The following MYO16 variants were observed in gnomAD, a reference collection of about 807,000 sequenced individuals.
MYO16 encodes unconventional myosin-XVI.
A neutral mutation model predicts 205.3 loss-of-function variants in MYO16; 94 were observed. The ratio of observed to expected loss-of-function variants is 0.46; its 90% confidence interval spans 0.39 to 0.54. The LOEUF (loss-of-function observed/expected upper bound fraction) is 0.54. Among genes scored for constraint, MYO16 ranks in the 20% least tolerant of loss-of-function variants. MYO16 has a pLI of 0.00. For synonymous variants in MYO16, 988 were observed against 954.0 expected, an observed-to-expected ratio of 1.04 and a Z score of -0.66; for missense variants, 2,315 against 2,387.5, an observed-to-expected ratio of 0.97 and a Z score of 0.63.
At chr13:108,620,146 G>A (rs1035174705) in intron 1 of MYO16, among the ~76,000 whole-genome samples, 2 of 152,082 alleles carry the variant, frequency 1.3e-5, no homozygotes, top group African/African-American at 4.8e-5. Flanking sequence ...TAAATGAATC[G>A]ATGCCTATGA....
At chr13:108,831,083 T>C (rs1326674074) in intron 9 of MYO16, among the ~76,000 whole-genome samples, 2 of 152,158 alleles carry the variant, frequency 1.3e-5, no homozygotes. Context: ...GGCAGTTTTA[T>C]AGAGGCTTTA....
At chr13:108,596,040 G>C (rs1369122499), upstream of MYO16, 1 of 148,318 alleles carries the variant, frequency 6.7e-6, no homozygotes, top group Non-Finnish European at 1.5e-5. Context: ...GTGTTTTCTG[G>C]AATGACTTTT....
intron 12 of MYO16, among the ~76,000 whole-genome samples, chr13:108,874,735 T>A (rs867668722): frequency 2.0e-5 from 3 of 147,372 alleles, no homozygotes; most frequent in Non-Finnish European, 3.0e-5. Context: ...TTATTATTAT[T>A]ATATGTGATC....
At chr13:109,103,703 T>C (rs887212790) in intron 28 of MYO16, among the ~76,000 whole-genome samples, 4 of 152,230 alleles carry the variant, frequency 2.6e-5, no homozygotes, top group African/African-American at 9.6e-5. Flanking sequence ...GTAATTCTTA[T>C]ACTCTCCAAC....
chr13:108,679,883 C>T (rs1390282121), intron 2 of MYO16, among the ~76,000 whole-genome samples: 1 of 151,942 alleles, frequency 6.6e-6, no homozygotes. Flanking sequence ...ACACCCAGCC[C>T]ACCTCTCACA....
chr13:108,745,603 A>C (rs1885035105), intron 4 of MYO16, among the ~76,000 whole-genome samples: 2 of 152,090 alleles, frequency 1.3e-5, no homozygotes, highest in Admixed American at 1.3e-4. Flanking sequence ...AGACCTAATG[A>C]CCTCAGTTAC....
intron 1 of MYO16, among the ~76,000 whole-genome samples, chr13:108,643,005 A>G (rs983058657): frequency 2.6e-5 from 4 of 152,142 alleles, no homozygotes; most frequent in African/African-American, 9.7e-5. Flanking sequence ...AGTCAGGTTT[A>G]TGGAGGTATA....
chr13:108,630,869 T>C lies in MYO16; in HGVS notation c.28+997T>C, dbSNP rs370986209. Among the ~76,000 whole-genome samples the C allele has an allele frequency of 1.9e-3, 296 of 152,318 alleles. 8 individuals are homozygous for C. The South Asian group carries it at 0.06, about 31-fold the overall frequency. ...CCTTTCTCTTATTTTTGGTAGAGAATGTATACAGGAATTAAAACTATGATT... is the reference window on the plus strand; with the variant it reads ...CCTTTCTCTTATTTTTGGTAGAGAACGTATACAGGAATTAAAACTATGATT... On this transcript the variant is annotated intron_variant, in intron 1 of 34. Coordinates refer to ENST00000457511, the MANE Select transcript of MYO16 (RefSeq NM_001198950.3).
At position 109,140,323 on chromosome 13, in the gene MYO16, C is replaced by G; in HGVS notation, c.4111C>G (p.Arg1371Gly). ...CAGCACCATGAAGAAGATTCCTCCT[C>G]GAAAGCCCAAGCGCAGCCCCAACAC... Reference protein sequence around the residue: ...DYSTMKKIPPRKPKRSPNTKL... With the variant: ...DYSTMKKIPPGKPKRSPNTKL... Residue 1371 changes from arginine (R) to glycine (G), a missense_variant, in exon 32 of 35, where the codon CGA (arginine) becomes GGA (glycine). Coordinates refer to ENST00000457511, the MANE Select transcript of MYO16 (RefSeq NM_001198950.3). This position sits in a 1 kb window ranked among gnomAD's most constrained non-coding sequence, Gnocchi z 8.0. 1.2e-6 allele frequency: 2 copies of G among 1,602,910 alleles called. No individual in the cohort carries two copies. Among genetic ancestry groups the G allele is most frequent in the Non-Finnish European group, 1.7e-6 (2 of 1,179,374 alleles).
At chr13:108,927,874 G>A (rs542440484) in intron 16 of MYO16, among the ~76,000 whole-genome samples, 10 of 152,316 alleles carry the variant, frequency 6.6e-5, no homozygotes, top group South Asian at 4.1e-4. Context: ...CCGGGCCAAC[G>A]CGTGCACCTG....
At chr13:108,555,338 G>A in the MYO16 span, among the ~76,000 whole-genome samples, 2 of 152,090 alleles carry the variant, frequency 1.3e-5, no homozygotes, top group Non-Finnish European at 2.9e-5. Flanking sequence ...AATAAAAATT[G>A]AATGTGTTCA....
intron 23 of MYO16, among the ~76,000 whole-genome samples, chr13:109,028,968 A>T (rs1463885571): frequency 3.3e-5 from 5 of 151,952 alleles, no homozygotes; most frequent in African/African-American, 1.2e-4. Flanking sequence ...ACTAAGTTTG[A>T]AATGTTCCTA....
intron 4 of MYO16, among the ~76,000 whole-genome samples, chr13:108,753,207 A>G (rs183918524): frequency 5.3e-5 from 8 of 151,866 alleles, no homozygotes; most frequent in Non-Finnish European, 1.2e-4. Context: ...GTCTCTACTA[A>G]GAATACAAAA....
chr13:108,908,716 G>A (rs542445058), intron 15 of MYO16, among the ~76,000 whole-genome samples: 1 of 152,190 alleles, frequency 6.6e-6, no homozygotes, highest in South Asian at 2.1e-4. Context: ...GCTCACCCCT[G>A]TAATCCTGGC....
chr13:108,750,497 A>AG (rs1885197163), intron 4 of MYO16, among the ~76,000 whole-genome samples: 1 of 151,902 alleles, frequency 6.6e-6, no homozygotes, highest in East Asian at 1.9e-4. Context: ...GGCAGGGCAC[A>AG]GTGGCTCACA....
intron 23 of MYO16, among the ~76,000 whole-genome samples, chr13:109,020,327 C>A (rs1300576299): frequency 6.6e-6 from 1 of 152,160 alleles, no homozygotes; most frequent in Non-Finnish European, 1.5e-5. Flanking sequence ...AAGCCACTCT[C>A]TCATATCTTT....
chr13:108,691,290 A>C (rs1882885449), intron 2 of MYO16, among the ~76,000 whole-genome samples: 1 of 152,108 alleles, frequency 6.6e-6, no homozygotes, highest in Admixed American at 6.5e-5. Flanking sequence ...ATTTGTGAGC[A>C]ATCTGCCAGG....
At chr13:109,021,446 A>G (rs1886019657) in intron 23 of MYO16, among the ~76,000 whole-genome samples, 1 of 152,178 alleles carries the variant, frequency 6.6e-6, no homozygotes, top group Admixed American at 6.5e-5. Context: ...AGGGAAAATC[A>G]TCTTCACGGA....
intron 10 of MYO16, among the ~76,000 whole-genome samples, chr13:108,848,678 G>A (rs1263701018): frequency 6.6e-6 from 1 of 152,034 alleles, no homozygotes; most frequent in Non-Finnish European, 1.5e-5. Flanking sequence ...CGCAGGGCCT[G>A]GTGGCACACA....
Sources: allele counts gnomAD v4.1 joint callset (sites outside exome capture counted in the v4.1 genomes callset), GRCh38; gene constraint gnomAD v4.1.1; non-coding constraint Gnocchi (gnomAD v3.1); transcripts MANE v1.5; gene names NCBI Gene and HGNC (gene_info 2026-07-23, HGNC 2026-07-21).